ARHGEF12: variants seen among roughly 807,000 people sequenced by gnomAD.
ARHGEF12 encodes Rho guanine nucleotide exchange factor 12.
ARHGEF12 carries 66 observed loss-of-function variants against 211.2 expected under a neutral mutation model. The ratio of observed to expected loss-of-function variants is 0.31; its 90% CI spans 0.26 to 0.38. The LOEUF (loss-of-function observed/expected upper bound fraction) is 0.38, where lower values mean the gene tolerates loss of function less well. ARHGEF12 is among the 10% of genes least tolerant of loss of function. The pLI, the probability that ARHGEF12 is intolerant of heterozygous loss-of-function variation, is 1.00. For missense variants in ARHGEF12, 1,429 were observed against 1,869.5 expected (o/e 0.76, Z 4.34); for synonymous variants, 592 against 638.4 (o/e 0.93, Z 1.09).
At chr11:120,393,540 A>G (rs1412937863) in intron 1 of ARHGEF12, among the ~76,000 whole-genome samples, 1 of 152,198 alleles carries the variant, frequency 6.6e-6, no homozygotes, top group East Asian at 1.9e-4. Flanking sequence ...ATATCAGATA[A>G]AGTAGATTTA....
Position 120,487,290 on chromosome 11 carries a change from A to C in ARHGEF12, c.*2213A>C, listed in dbSNP as rs553422231. ...CCCTGCAGTTCAATTTCTCCTTGGA[A>C]CTCTAACAGGACTAACTGGAAAAAT... On this transcript the variant is annotated 3_prime_UTR_variant, in exon 41 of 41. Transcript: ENST00000397843. 2.2e-4 allele frequency: 49 copies of C among 219,770 alleles called. No homozygotes were observed. Among genetic ancestry groups the C allele is most frequent in the African/African-American group, 1.1e-3 (48 of 44,732 alleles). 13.6% of individuals were successfully genotyped at this position (219,770 alleles called of 1,614,324 possible). A position where few individuals can be genotyped will look rare whatever the true frequency, so the allele number is the denominator to read the frequency against.
intron 1 of ARHGEF12, among the ~76,000 whole-genome samples, chr11:120,383,011 C>T (rs1355841291): frequency 3.3e-5 from 5 of 152,196 alleles, no homozygotes; most frequent in African/African-American, 7.2e-5. Context: ...TGGTGGCGGG[C>T]GCCTGTGGTC....
At chr11:120,401,082 C>T (rs1393919567) in intron 1 of ARHGEF12, among the ~76,000 whole-genome samples, 4 of 152,124 alleles carry the variant, frequency 2.6e-5, no homozygotes, top group Admixed American at 2.0e-4. Flanking sequence ...CTCTCCTAGC[C>T]GCTTTTCATG....
chr11:120,340,615 AAAG>A (rs1942504070), intron 1 of ARHGEF12, among the ~76,000 whole-genome samples: 1 of 152,182 alleles, frequency 6.6e-6, no homozygotes, highest in Non-Finnish European at 1.5e-5. Context: ...ATTAAAAAAA[AAAG>A]AGCTACTCAT....
chr11:120,440,013 C>A, intron 12 of ARHGEF12, 116 bp from the exon 13 acceptor site: 2 of 747,020 alleles, frequency 2.7e-6, no homozygotes, highest in Non-Finnish European at 4.4e-6. Context: ...AGGAAATAAA[C>A]AAAAAGAAAT....
intron 39 of ARHGEF12, among the ~76,000 whole-genome samples, chr11:120,483,903 C>G (rs995710714): frequency 2.0e-5 from 3 of 152,180 alleles, no homozygotes; most frequent in Non-Finnish European, 4.4e-5. Flanking sequence ...CGTGAGCCAC[C>G]GCGCCCAGTC....
At chr11:120,447,277 T>A in intron 18 of ARHGEF12, 192 bp downstream of exon 18, 1 of 536,532 alleles carries the variant, frequency 1.9e-6, no homozygotes, top group Non-Finnish European at 3.0e-6. Context: ...TTGTGTTCCT[T>A]TTTCTGGGTG....
At chr11:120,418,559 G>A (rs541405466) in intron 4 of ARHGEF12, among the ~76,000 whole-genome samples, 4 of 152,334 alleles carry the variant, frequency 2.6e-5, no homozygotes, top group South Asian at 4.1e-4. Flanking sequence ...TCTCTTCAGA[G>A]TAAAATTAAT....
intron 11 of ARHGEF12, among the ~76,000 whole-genome samples, chr11:120,436,466 C>T (rs928708602): frequency 2.6e-5 from 4 of 152,102 alleles, no homozygotes; most frequent in East Asian, 3.8e-4. Flanking sequence ...GAATGTCTCC[C>T]GTTGCTTTGG....
intron 1 of ARHGEF12, among the ~76,000 whole-genome samples, chr11:120,373,483 A>G (rs10892567): frequency 0.41 from 61,792 of 152,050 alleles, 12,751 homozygotes; most frequent in South Asian, 0.47. Context: ...TGTGTTCCCA[A>G]CACCTAGAAC....
At chr11:120,409,738 T>C in intron 4 of ARHGEF12, 1 of 270,342 alleles carries the variant, frequency 3.7e-6, no homozygotes, top group Non-Finnish European at 7.0e-6. Flanking sequence ...TCTAATATGT[T>C]TGGGTCAGGT....
intron 1 of ARHGEF12, among the ~76,000 whole-genome samples, chr11:120,397,940 A>T (rs535834491): frequency 6.6e-6 from 1 of 152,198 alleles, no homozygotes; most frequent in Admixed American, 6.6e-5. Flanking sequence ...ATGCATAACA[A>T]TGCTGGGTGT....
chr11:120,357,615 G>A (rs1183652434), intron 1 of ARHGEF12, among the ~76,000 whole-genome samples: 1 of 152,138 alleles, frequency 6.6e-6, no homozygotes, highest in African/African-American at 2.4e-5. Flanking sequence ...CATCACCCAG[G>A]CTGGATTGCA....
chr11:120,482,048 C>T (rs996752187), intron 39 of ARHGEF12, among the ~76,000 whole-genome samples: 5 of 152,282 alleles, frequency 3.3e-5, no homozygotes, highest in South Asian at 4.1e-4. Flanking sequence ...CGTGAGCCAC[C>T]GCGCCCAGTC....
At chr11:120,388,864 T>C (rs1049088321) in intron 1 of ARHGEF12, among the ~76,000 whole-genome samples, 1 of 152,034 alleles carries the variant, frequency 6.6e-6, no homozygotes, top group Non-Finnish European at 1.5e-5. Context: ...ATTTTTTTTT[T>C]ATTTTATTTT....
At chr11:120,421,714 T>A (rs1945198216) in intron 5 of ARHGEF12, 89 bp from the exon 6 acceptor site, 4 of 1,265,082 alleles carry the variant, frequency 3.2e-6, no homozygotes, top group Non-Finnish European at 4.6e-6. Flanking sequence ...GCCCATGTTT[T>A]TAACCAGTTT....
At chr11:120,372,399 A>G (rs531586123) in intron 1 of ARHGEF12, among the ~76,000 whole-genome samples, 1 of 152,106 alleles carries the variant, frequency 6.6e-6, no homozygotes, top group South Asian at 2.1e-4. Context: ...AAATTATGTA[A>G]TGCCTCTGGA....
chr11:120,418,031 G>T (rs139353198), intron 4 of ARHGEF12, among the ~76,000 whole-genome samples: 2,174 of 152,214 alleles, frequency 0.014, 151 homozygotes, highest in Admixed American at 0.12. Flanking sequence ...GAATTTAGGG[G>T]TAACACATTT....
intron 21 of ARHGEF12, chr11:120,451,230 G>A: frequency 3.6e-6 from 1 of 279,034 alleles, no homozygotes; most frequent in Non-Finnish European, 6.9e-6. Flanking sequence ...CCAGGCTGGA[G>A]TGCAGTGGCG....
Sources: allele counts gnomAD v4.1 joint callset (sites outside exome capture counted in the v4.1 genomes callset), GRCh38; gene constraint gnomAD v4.1.1; transcripts MANE v1.5; gene names NCBI Gene and HGNC (gene_info 2026-07-23, HGNC 2026-07-21).